WNK2: variants seen among roughly 807,000 people sequenced by gnomAD.
WNK2 encodes the protein WNK lysine deficient protein kinase 2.
WNK2 carries 67 observed loss-of-function variants against 192.1 expected under a neutral mutation model. That is an observed-to-expected ratio of 0.35 (90% CI 0.29 to 0.43). WNK2 has a LOEUF of 0.43. Among genes scored for constraint, WNK2 ranks in the 20% least tolerant of loss-of-function variants. WNK2 has a pLI of 1.00. For synonymous variants in WNK2, 1,439 were observed against 1,393.9 expected (o/e 1.03, Z -0.72); for missense variants, 2,698 against 3,089.7 (o/e 0.87, Z 3.01).
At chr9:93,268,189 C>T in intron 18 of WNK2, 124 bp downstream of exon 18, 1 of 1,336,234 alleles carries the variant, frequency 7.5e-7, no homozygotes, top group South Asian at 1.3e-5. Flanking sequence ...ACCAGGGGCC[C>T]CAGTCTGGGG....
chr9:93,315,202 C>G (rs1854405598), intron 28 of WNK2, among the ~76,000 whole-genome samples: 1 of 152,204 alleles, frequency 6.6e-6, no homozygotes, highest in South Asian at 2.1e-4. Context: ...ACTGACAGCT[C>G]TGCTCTTCTC....
Position 93,299,200 on chromosome 9 carries a change from C to T in WNK2, c.6054C>T (p.Ala2018=). ...CCCAGCAGCCCTGCTCCGTCCGGGCCTCCCTGTCTTCGGACATCTGCTCCG... is the reference window on the plus strand; with the variant it reads ...CCCAGCAGCCCTGCTCCGTCCGGGCTTCCCTGTCTTCGGACATCTGCTCCG... ...VQTQQPCSVR[A]SLSSDICSGL... The change falls in exon 25 of 30, where the codon GCC becomes GCT. Residue 2018 remains alanine (A), a synonymous_variant. Coordinates refer to ENST00000427277, the MANE Select transcript of WNK2 (RefSeq NM_006648.4). The T allele has an allele frequency of 6.2e-6, 10 of 1,600,202 alleles. No individual in the cohort carries two copies. The highest frequency in any genetic ancestry group is 8.5e-6 in the Non-Finnish European group (10 of 1,170,326).
intron 21 of WNK2, among the ~76,000 whole-genome samples, chr9:93,291,731 A>G (rs1037561236): frequency 1.3e-5 from 2 of 152,102 alleles, no homozygotes; most frequent in African/African-American, 4.8e-5. Flanking sequence ...CCTACCCACG[A>G]GTTTCTTTTG....
At chr9:93,313,914 G>A (rs1247541516) in intron 28 of WNK2, among the ~76,000 whole-genome samples, 1 of 151,916 alleles carries the variant, frequency 6.6e-6, no homozygotes, top group Non-Finnish European at 1.5e-5. Flanking sequence ...GATTGATTGA[G>A]TCCAGGAGTT....
chr9:93,185,186 C>T lies in WNK2; in HGVS notation c.257C>T (p.Ala86Val). ...LLLCKTRRLIAERARGRPAAP... is the reference protein window; with the variant it reads ...LLLCKTRRLIVERARGRPAAP... ...CTCTGCAAGACGCGCCGCCTCATCG[C>T]GGAGCGCGCCCGCGGACGCCCCGCC... The change falls in exon 2 of 30, where the codon GCG becomes GTG. Residue 86 changes from alanine to valine, a missense_variant. Coordinates refer to ENST00000427277, the MANE Select transcript of WNK2 (RefSeq NM_006648.4). The T allele has an allele frequency of 2.5e-6, 3 of 1,183,414 alleles. No individual in the cohort carries two copies. The highest frequency in any genetic ancestry group is 3.1e-6 in the Non-Finnish European group (3 of 956,032). 73.3% of individuals were successfully genotyped at this position (1,183,414 alleles called of 1,614,324 possible).
chr9:93,191,334 C>G (rs143547911), intron 2 of WNK2, among the ~76,000 whole-genome samples: 230 of 152,186 alleles, frequency 1.5e-3, no homozygotes, highest in South Asian at 7.1e-3. Flanking sequence ...GCTTGGGTCT[C>G]AACAGTGCAG....
intron 23 of WNK2, among the ~76,000 whole-genome samples, chr9:93,294,275 T>A (rs1172307231): frequency 2.6e-5 from 4 of 152,110 alleles, no homozygotes; most frequent in Non-Finnish European, 5.9e-5. Flanking sequence ...ATAGTGAGTG[T>A]CTCTGTGTTC....
intron 19 of WNK2, among the ~76,000 whole-genome samples, chr9:93,276,019 C>T (rs1846810859): frequency 6.6e-6 from 1 of 152,160 alleles, no homozygotes; most frequent in Admixed American, 6.5e-5. Flanking sequence ...GTAAAAATGT[C>T]ACTTCTACCC....
At chr9:93,225,527 T>A (rs957173219) in intron 2 of WNK2, among the ~76,000 whole-genome samples, 2 of 152,250 alleles carry the variant, frequency 1.3e-5, no homozygotes, top group African/African-American at 4.8e-5. Context: ...TTTCTGACTT[T>A]CGTGTCTTAC....
chr9:93,209,891 T>C (rs1169096490), intron 2 of WNK2, among the ~76,000 whole-genome samples: 1 of 152,134 alleles, frequency 6.6e-6, no homozygotes, highest in Non-Finnish European at 1.5e-5. Flanking sequence ...CCACTCTGAC[T>C]GGGGGATTGG....
In WNK2 at chr9:93,319,229, T is replaced by C. The variant is rs1194310880; in HGVS notation, c.6629-1138T>C. On this transcript the variant is annotated intron_variant, in intron 29 of 29. Transcript: ENST00000427277. ...GAAAACAGTGTGAAACAACATCTTT[T>C]TCTTACCCTCTATCCATATAAAATC... 2.4e-5 allele frequency: 38 copies of C among 1,606,758 alleles called. 1 individual carries two copies. In the East Asian group the frequency reaches 4.0e-4, roughly 17 times the overall value.
chr9:93,317,947 C>T (rs748017484), intron 29 of WNK2: 1 of 1,611,548 alleles, frequency 6.2e-7, no homozygotes. Flanking sequence ...CTGCTGTGGG[C>T]ACAGCACTCA....
At chr9:93,291,919 G>A (rs1041931744) in intron 21 of WNK2, among the ~76,000 whole-genome samples, 1 of 152,176 alleles carries the variant, frequency 6.6e-6, no homozygotes, top group African/African-American at 2.4e-5. Flanking sequence ...GAGCAGGGCT[G>A]GAACCCAGCC....
intron 7 of WNK2, among the ~76,000 whole-genome samples, chr9:93,242,257 A>G (rs919993481): frequency 6.6e-6 from 1 of 152,166 alleles, no homozygotes; most frequent in African/African-American, 2.4e-5. Flanking sequence ...CAGATGCTGC[A>G]AAGTGGCCAC....
chr9:93,189,678 C>T (rs1014393863), intron 2 of WNK2, among the ~76,000 whole-genome samples: 3 of 152,246 alleles, frequency 2.0e-5, no homozygotes, highest in Non-Finnish European at 2.9e-5. Flanking sequence ...CTCTCCCAGC[C>T]GCTGGCAGCC....
chr9:93,263,402 G>T, intron 14 of WNK2, 164 bp from the exon 15 acceptor site: 1 of 824,514 alleles, frequency 1.2e-6, no homozygotes, highest in Non-Finnish European at 1.9e-6. Flanking sequence ...CTGGGTGAGG[G>T]CCCAGAAGCA....
Position 93,263,991 on chromosome 9 carries a change from C to T in WNK2, c.3654C>T (p.Phe1218=), listed in dbSNP as rs1302699713. ...THNHKMVTFK[F]DLDGDAPDEI... ...ACCACAAGATGGTGACCTTCAAGTT[C>T]GACTTGGACGGGGACGCACCCGATG... Residue 1218 remains phenylalanine (F), a synonymous_variant, in exon 16 of 30, where the codon TTC becomes TTT. Coordinates refer to ENST00000427277, the MANE Select transcript of WNK2 (RefSeq NM_006648.4). The T allele has an allele frequency of 3.1e-6, 5 of 1,613,390 alleles. No individual in the cohort carries two copies. Among genetic ancestry groups the T allele is most frequent in the Admixed American group, 1.7e-5 (1 of 59,988 alleles).
chr9:93,298,986 T>C (rs1406348382), intron 24 of WNK2, 84 bp from the exon 25 acceptor site: 1 of 1,404,232 alleles, frequency 7.1e-7, no homozygotes. Flanking sequence ...CACCCAGCAA[T>C]AAGCAGGCAG....
At chr9:93,301,484 T>G (rs1194518018) in intron 26 of WNK2, among the ~76,000 whole-genome samples, 3 of 152,198 alleles carry the variant, frequency 2.0e-5, no homozygotes, top group Non-Finnish European at 4.4e-5. Context: ...CAGGCTGCCC[T>G]GTTTCGGCCA....
Sources: gnomAD v4.1 joint callset for allele counts (sites outside exome capture counted in the v4.1 genomes callset) on GRCh38, gnomAD v4.1.1 for gene constraint, MANE v1.5 for transcripts, NCBI Gene and HGNC (gene_info 2026-07-23, HGNC 2026-07-21) for gene names.